Variants in MNX1 observed in about 807,000 individuals in gnomAD.
The protein encoded by MNX1 is motor neuron and pancreas homeobox 1.
MNX1 carries 2 observed loss-of-function variants against 17.3 expected under a neutral mutation model. The ratio of observed to expected loss-of-function variants is 0.12; its 90% CI spans 0.05 to 0.36. The LOEUF is 0.36. Ranked by LOEUF, MNX1 falls within the 10% of genes least tolerant of loss-of-function variation. The probability of loss-of-function intolerance (pLI) is 1.00; values close to 1 mark genes in which losing one functional copy is unlikely to be tolerated. For synonymous variants in MNX1, 306 were observed against 283.1 expected (o/e 1.08, Z -0.81); for missense variants, 556 against 564.7 (o/e 0.98, Z 0.16).
intron 1 of MNX1, chr7:157,008,198 G>T (rs1389323408): frequency 6.6e-6 from 1 of 152,166 alleles, no homozygotes; most frequent in African/African-American, 2.4e-5. Flanking sequence ...AGCACCCCTA[G>T]GAGGCCTAGG....
At chr7:157,009,175 C>A in intron 1 of MNX1, 1 of 1,474,336 alleles carries the variant, frequency 6.8e-7, no homozygotes. Flanking sequence ...CCTCCCCGGG[C>A]CTCCGAAGCC....
At position 157,004,972 on chromosome 7, in the gene MNX1, A is replaced by C. The variant is rs1805561445; in HGVS notation, c.*548T>G. The C allele has an allele frequency of 9.3e-6, 2 of 215,744 alleles. No homozygotes were observed. Among genetic ancestry groups the C allele is most frequent in the South Asian group, 1.9e-4 (1 of 5,380 alleles). 13.4% of individuals were successfully genotyped at this position (215,744 alleles called of 1,614,324 possible). A position where few individuals can be genotyped will look rare whatever the true frequency, so the allele number is the denominator to read the frequency against. ...TATATAAATACAATATACAAAAATAAAGACAGTACAGTTTTGAGATTTCCA... is the reference window on the plus strand; with the variant it reads ...TATATAAATACAATATACAAAAATACAGACAGTACAGTTTTGAGATTTCCA... On this transcript the variant is annotated 3_prime_UTR_variant, in exon 3 of 3. Transcript: ENST00000252971. This position sits in a 1 kb window ranked among gnomAD's most constrained non-coding sequence, Gnocchi z 6.2.
chr7:157,005,931 C>T lies in MNX1; in HGVS notation c.853-58G>A, dbSNP rs1805589261. 1.7e-5 allele frequency: 27 copies of T among 1,591,660 alleles called. No homozygotes were observed. In the South Asian group the frequency reaches 2.5e-4, roughly 15 times the overall value. On this transcript the variant is annotated intron_variant, in intron 2 of 2. Coordinates refer to ENST00000252971, the MANE Select transcript of MNX1 (RefSeq NM_005515.4). ...ACCGCCACCCCAGGGCTTCCTGTCCCCGGAGTCCCCCGGCCGCGTGCGCCT... is the reference window on the plus strand; with the variant it reads ...ACCGCCACCCCAGGGCTTCCTGTCCTCGGAGTCCCCCGGCCGCGTGCGCCT...
chr7:157,005,916 C>T (rs751996554), intron 2 of MNX1, 43 bp from the exon 3 acceptor site: 3 of 1,604,546 alleles, frequency 1.9e-6, no homozygotes, highest in African/African-American at 2.7e-5. Flanking sequence ...ACCGCCACCC[C>T]AGGGCTTCCT....
In MNX1 at chr7:157,010,298, G is replaced by A. The variant is rs1362497197; in HGVS notation, c.53C>T (p.Pro18Leu). 3.8e-6 allele frequency: 6 copies of A among 1,573,400 alleles called. No homozygotes were observed. Among genetic ancestry groups the A allele is most frequent in the African/African-American group, 2.8e-5 (2 of 71,444 alleles). Residue 18 changes from proline (P) to leucine (L), a missense_variant, in exon 1 of 3, where the codon CCA becomes CTA. Around this residue, in one of 7 missense-constraint regions of MNX1, gnomAD observed 45 missense variants for 42.0 expected, o/e 1.07. Coordinates refer to ENST00000252971, the MANE Select transcript of MNX1 (RefSeq NM_005515.4). The stretch of plus-strand genomic sequence containing the variant: ...CGCGCTCTGCGCAGAGGCGGCTCGT[G>A]GGGGGTCCACCGCCAGCAGGGCGTC... Reference protein sequence around the residue: ...RIDALLAVDPPRAASAQSAPL... With the variant: ...RIDALLAVDPLRAASAQSAPL...
chr7:157,008,905 C>A, intron 1 of MNX1: 1 of 1,369,690 alleles, frequency 7.3e-7, no homozygotes, highest in Non-Finnish European at 1.0e-6. Flanking sequence ...AGGTGTCCCG[C>A]CCGGATGGAG....
chr7:157,009,524 C>A, intron 1 of MNX1, 136 bp downstream of exon 1: 2 of 1,466,054 alleles, frequency 1.4e-6, no homozygotes, highest in Non-Finnish European at 1.8e-6. Context: ...TCGCAGGCCC[C>A]GGGCAGAGCC....
At chr7:157,009,604 G>C in intron 1 of MNX1, 56 bp downstream of exon 1, 3 of 1,584,002 alleles carry the variant, frequency 1.9e-6, no homozygotes, top group Non-Finnish European at 1.7e-6. Context: ...GGTGCCGGTG[G>C]AGGATGCGCG....
At chr7:157,007,541 A>C (rs1447519392) in intron 1 of MNX1, 1 of 152,260 alleles carries the variant, frequency 6.6e-6, no homozygotes, top group Non-Finnish European at 1.5e-5. Flanking sequence ...AAGCCTTTTC[A>C]GGACAATTCT....
intron 1 of MNX1, 102 bp downstream of exon 1, chr7:157,009,558 C>A: frequency 5.3e-6 from 8 of 1,519,640 alleles, no homozygotes; most frequent in Non-Finnish European, 7.1e-6. Flanking sequence ...AGCTCTTCCC[C>A]CGCTCGCTGG....
In MNX1 at chr7:157,006,048, A is replaced by T. The variant is rs577653246; in HGVS notation, c.853-175T>A. Among the ~76,000 whole-genome samples the T allele has an allele frequency of 6.6e-5, 10 of 151,708 alleles. No homozygotes were observed. The highest frequency in any genetic ancestry group is 2.0e-4 in the East Asian group (1 of 5,116). ...GGCTCGTAGCTTCCTCCTCCCCGCA[A>T]CCCCCCACTCAGCAGCAAACCCCAG... On this transcript the variant is annotated intron_variant, in intron 2 of 2. Transcript: ENST00000252971. This position sits in a 1 kb window ranked among gnomAD's most constrained non-coding sequence, Gnocchi z 6.3.
Position 157,006,404 on chromosome 7 carries a change from C to T in MNX1, c.852+75G>A. ...CGCAGCGCTAGATGCCTCAGACCGCCCGTGGGTCACAAGTGCAAAGGTAAC... is the reference window on the plus strand; with the variant it reads ...CGCAGCGCTAGATGCCTCAGACCGCTCGTGGGTCACAAGTGCAAAGGTAAC... On this transcript the variant is annotated intron_variant, in intron 2 of 2. Coordinates refer to ENST00000252971, the MANE Select transcript of MNX1 (RefSeq NM_005515.4). The surrounding 1 kb of genome is among the most constrained non-coding windows in gnomAD (Gnocchi z 6.3). The T allele has an allele frequency of 1.3e-6, 2 of 1,514,768 alleles. No individual in the cohort carries two copies. The highest frequency in any genetic ancestry group is 1.8e-6 in the Non-Finnish European group (2 of 1,121,460). The allele number at this position is 1,514,768 out of a possible 1,614,324, so 93.8% of individuals were successfully genotyped here.
Position 157,005,489 on chromosome 7 carries a change from TGCGCGCCGC to T in MNX1, c.*22_*30del, listed in dbSNP as rs759401217. On this transcript the variant is annotated 3_prime_UTR_variant, in exon 3 of 3. Coordinates refer to ENST00000252971, the MANE Select transcript of MNX1 (RefSeq NM_005515.4). ...AGAAGCCGCCGGCCGGGGCGCTCCG[TGCGCGCCGC>T]ACCTGCTGGGCCGCGGGGCTCCTAC... is the stretch of plus-strand genomic sequence containing the variant. 1.2e-5 allele frequency: 15 copies of T among 1,286,392 alleles called. No homozygotes were observed. In the Admixed American group the frequency reaches 1.7e-4, roughly 14 times the overall value. The allele number at this position is 1,286,392 out of a possible 1,614,324, so 79.7% of individuals were successfully genotyped here.
chr7:157,010,203 C>T lies in MNX1; in HGVS notation c.148G>A (p.Ala50Thr). 1 of 1,229,240 alleles carries T rather than the reference C, an allele frequency of 8.1e-7. No homozygotes were observed. The highest frequency in any genetic ancestry group is 1.0e-6 in the Non-Finnish European group (1 of 979,400). The allele number at this position is 1,229,240 out of a possible 1,614,324, so 76.1% of individuals were successfully genotyped here. Residue 50 changes from alanine to threonine, a missense_variant, in exon 1 of 3, where the codon GCG (alanine) becomes ACG (threonine). Around this residue, in one of 7 missense-constraint regions of MNX1, gnomAD observed 115 missense variants for 103.5 expected, o/e 1.11. Transcript: ENST00000252971. The stretch of plus-strand genomic sequence containing the variant: ...CAGCTGCCGCTAGTCCCGCCGCTCG[C>T]CCCGCCGCCGCCGCCGCCACCTCCG... ...GTGGGGGGGG[A>T]SGGTSGSCSP...
chr7:157,006,449 G>C lies in MNX1; in HGVS notation c.852+30C>G. The C allele has an allele frequency of 4.4e-6, 7 of 1,603,044 alleles. No individual in the cohort carries two copies. The highest frequency in any genetic ancestry group is 5.9e-6 in the Non-Finnish European group (7 of 1,176,642). ...GGTAACAGTGTCCCCTGGGAGGCCG[G>C]GATGCGTCGGGGGCGGGGAGGGCGC... On this transcript the variant is annotated intron_variant, in intron 2 of 2. Transcript: ENST00000252971. This position sits in a 1 kb window ranked among gnomAD's most constrained non-coding sequence, Gnocchi z 6.3.
At position 157,006,503 on chromosome 7, in the gene MNX1, G is replaced by C; in HGVS notation, c.828C>G (p.Thr276=). The C allele has an allele frequency of 1.2e-6, 2 of 1,611,286 alleles. No individual in the cohort carries two copies. Among genetic ancestry groups the C allele is most frequent in the East Asian group, 2.2e-5 (1 of 44,808 alleles). The change falls in exon 2 of 3, where the codon ACC becomes ACG. Residue 276 remains threonine, a synonymous_variant. Coordinates refer to ENST00000252971, the MANE Select transcript of MNX1 (RefSeq NM_005515.4). The surrounding 1 kb of genome is among the most constrained non-coding windows in gnomAD (Gnocchi z 6.3). The stretch of plus-strand genomic sequence containing the variant: ...CCTGGGTCTCGGTGAGCATGAGCGA[G>C]GTGGCCACCTCGAAGCGCTTGGGCC... The part of the protein sequence containing the change: ...LSRPKRFEVA[T]SLMLTETQVK...
intron 1 of MNX1, chr7:157,008,656 T>C (rs981746614): frequency 1.2e-4 from 44 of 363,054 alleles, no homozygotes; most frequent in Non-Finnish European, 1.9e-4. Flanking sequence ...TCCCCTGCTC[T>C]GCCTGCATCT....
At chr7:157,009,484 C>T in intron 1 of MNX1, 176 bp downstream of exon 1, 1 of 1,435,320 alleles carries the variant, frequency 7.0e-7, no homozygotes, top group South Asian at 1.5e-5. Context: ...ATTCGCTGCC[C>T]GTCTCATGCC....
In MNX1 at chr7:157,005,463, G is replaced by A. The variant is rs891733178; in HGVS notation, c.*57C>T. 16 of 1,201,586 alleles carry A rather than the reference G, an allele frequency of 1.3e-5. No individual in the cohort carries two copies. The highest frequency in any genetic ancestry group is 6.4e-4 in the Middle Eastern group (2 of 3,136). 74.4% of individuals were successfully genotyped at this position (1,201,586 alleles called of 1,614,324 possible). A position where few individuals can be genotyped will look rare whatever the true frequency, so the allele number is the denominator to read the frequency against. ...TGGGTGCGGGCGCCGGGGCCTCCGG[G>A]AGAAGCCGCCGGCCGGGGCGCTCCG... is the stretch of plus-strand genomic sequence containing the variant. On this transcript the variant is annotated 3_prime_UTR_variant, in exon 3 of 3. Transcript: ENST00000252971.
Sources: allele counts gnomAD v4.1 joint callset (sites outside exome capture counted in the v4.1 genomes callset), GRCh38; gene constraint gnomAD v4.1.1; regional missense constraint gnomAD v4.1.1; non-coding constraint Gnocchi (gnomAD v3.1); transcripts MANE v1.5; gene names NCBI Gene and HGNC (gene_info 2026-07-23, HGNC 2026-07-21).